Variants in RAD17 observed in about 807,000 individuals in gnomAD.
RAD17 encodes cell cycle checkpoint protein RAD17.
A neutral mutation model predicts 81.5 loss-of-function variants in RAD17; 31 were observed. The observed-to-expected ratio is 0.38, with a 90% CI of 0.29 to 0.51. The LOEUF (loss-of-function observed/expected upper bound fraction) is 0.51. RAD17 is among the 20% of genes least tolerant of loss of function. The probability of loss-of-function intolerance (pLI) is 0.88; values close to 1 mark genes in which losing one functional copy is unlikely to be tolerated. For synonymous variants in RAD17, 261 were observed against 266.2 expected (o/e 0.98, Z 0.19); for missense variants, 681 against 781.2 (o/e 0.87, Z 1.53).
chr5:69,385,975 T>C (rs909184894), intron 8 of RAD17, 68 bp from the exon 9 acceptor site: 1 of 1,370,522 alleles, frequency 7.3e-7, no homozygotes, highest in Non-Finnish European at 9.6e-7. Flanking sequence ...CCTCAATAAA[T>C]ATAAATTTGA....
At chr5:69,412,308 T>G (rs1379693118) in intron 18 of RAD17, among the ~76,000 whole-genome samples, 1 of 152,186 alleles carries the variant, frequency 6.6e-6, no homozygotes, top group African/African-American at 2.4e-5. Context: ...TACTATCTTT[T>G]ATTTATGTTG....
chr5:69,394,429 C>A (rs1482561766), intron 15 of RAD17, among the ~76,000 whole-genome samples: 1 of 152,042 alleles, frequency 6.6e-6, no homozygotes. Context: ...GAAGTAGATA[C>A]AAGAGAAAGA....
In RAD17 at chr5:69,385,050, C is replaced by G. The variant is rs1280944415; in HGVS notation, c.645+117C>G. 11 of 884,714 alleles carry G rather than the reference C, an allele frequency of 1.2e-5. No individual in the cohort carries two copies. In the African/African-American group the frequency reaches 1.6e-4, roughly 13 times the overall value. 54.8% of individuals were successfully genotyped at this position (884,714 alleles called of 1,614,324 possible). On this transcript the variant is annotated intron_variant, in intron 8 of 18. Coordinates refer to ENST00000354868, the MANE Select transcript of RAD17 (RefSeq NM_133338.3). Reference sequence around the variant, plus strand: ...TCTCAGCTCATTGCAAGCTCTGCCTCCCAGGTTCACGCCATTCTCCTGCCT... The same window carrying G: ...TCTCAGCTCATTGCAAGCTCTGCCTGCCAGGTTCACGCCATTCTCCTGCCT...
chr5:69,371,925 G>A (rs1019494127), intron 3 of RAD17, 109 bp from the exon 4 acceptor site: 1 of 508,030 alleles, frequency 2.0e-6, no homozygotes, highest in African/African-American at 2.0e-5. Context: ...ATGGGGGTCA[G>A]ACAGTTTCAT....
At position 69,374,103 on chromosome 5, in the gene RAD17, C is replaced by T. The variant is rs145944230; in HGVS notation, c.267+16C>T. On this transcript the variant is annotated intron_variant, in intron 5 of 18. Transcript: ENST00000354868. ...AGAAACTCAGGTACTGAAAAGCATG[C>T]AGACATATCTACATAATTTAATTTC... The T allele has an allele frequency of 2.5e-6, 4 of 1,590,962 alleles. No individual in the cohort carries two copies. The African/African-American group carries it at 4.1e-5, about 16-fold the overall frequency.
In RAD17 at chr5:69,381,923, C is replaced by T. The variant is rs754452974; in HGVS notation, c.374C>T (p.Thr125Ile). 11 of 1,601,238 alleles carry T rather than the reference C, an allele frequency of 6.9e-6. No homozygotes were observed. The highest frequency in any genetic ancestry group is 5.4e-5 in the African/African-American group (4 of 74,342). Reference sequence around the variant, plus strand: ...TAGGGTGGATCTATTTTATTAATAACAGGTCCTCCTGGATGTGGAAAGACA... The same window carrying T: ...TAGGGTGGATCTATTTTATTAATAATAGGTCCTCCTGGATGTGGAAAGACA... ...PKQGGSILLI[T>I]GPPGCGKTTT... Residue 125 changes from threonine (T) to isoleucine (I), a missense_variant, in exon 7 of 19, where the codon ACA becomes ATA. Coordinates refer to ENST00000354868, the MANE Select transcript of RAD17 (RefSeq NM_133338.3).
At chr5:69,409,874 C>T (rs1765858953) in intron 17 of RAD17, among the ~76,000 whole-genome samples, 1 of 152,308 alleles carries the variant, frequency 6.6e-6, no homozygotes, top group Middle Eastern at 3.4e-3. Context: ...TACTTTCTGT[C>T]TCTATGAATT....
intron 4 of RAD17, 138 bp from the exon 5 acceptor site, chr5:69,373,692 T>A: frequency 1.8e-5 from 4 of 226,842 alleles, no homozygotes; most frequent in African/African-American, 1.4e-4. Context: ...AAAAATTTTT[T>A]TTTTTTTTTT....
chr5:69,396,645 GAA>G, intron 16 of RAD17, 99 bp downstream of exon 16: 1 of 1,205,556 alleles, frequency 8.3e-7, no homozygotes, highest in African/African-American at 1.5e-5. Context: ...CATAACAAAG[GAA>G]AAAATATTTC....
At chr5:69,405,567 C>T (rs1245069526) in intron 17 of RAD17, among the ~76,000 whole-genome samples, 2 of 151,014 alleles carry the variant, frequency 1.3e-5, no homozygotes, top group African/African-American at 4.9e-5. Flanking sequence ...CTTGGGAGGC[C>T]GAGGCAGGAG....
intron 6 of RAD17, among the ~76,000 whole-genome samples, chr5:69,380,280 T>A (rs1763768880): frequency 6.6e-6 from 1 of 152,202 alleles, no homozygotes; most frequent in South Asian, 2.1e-4. Context: ...TATCAAGCAT[T>A]ATGTGTTACA....
chr5:69,402,003 C>CAAAA (rs1173414879), intron 17 of RAD17, among the ~76,000 whole-genome samples: 29 of 44,826 alleles, frequency 6.5e-4, no homozygotes, highest in Admixed American at 1.1e-3. Flanking sequence ...GACTCTGTCT[C>CAAAA]AAAAAAAAAA....
chr5:69,410,588 G>A (rs1765911006), intron 18 of RAD17, 38 bp downstream of exon 18: 2 of 1,572,194 alleles, frequency 1.3e-6, no homozygotes, highest in Non-Finnish European at 1.7e-6. Flanking sequence ...AGCTGATAAT[G>A]AAATGTCTAC....
rs983700468 is a variant in RAD17 at position 69,410,528 on chromosome 5, C to T, written c.1729C>T (p.Pro577Ser). 2 of 1,613,116 alleles carry T rather than the reference C, an allele frequency of 1.2e-6. No individual in the cohort carries two copies. The highest frequency in any genetic ancestry group is 1.3e-5 in the African/African-American group (1 of 74,838). The change falls in exon 18 of 19, where the codon CCT becomes TCT. Residue 577 changes from proline to serine, a missense_variant. Transcript: ENST00000354868. Reference protein sequence around the residue: ...ISFIQDIGRLPLKRHFGRLKM... With the variant: ...ISFIQDIGRLSLKRHFGRLKM... Reference sequence around the variant, plus strand: ...TTTTATCCAAGATATTGGAAGGCTCCCTCTGAAGCGACACTTTGGAAGGTA... The same window carrying T: ...TTTTATCCAAGATATTGGAAGGCTCTCTCTGAAGCGACACTTTGGAAGGTA...
rs575666176 is a variant in RAD17 at position 69,396,673 on chromosome 5, G to C, written c.1572+127G>C. 31 of 1,054,762 alleles carry C rather than the reference G, an allele frequency of 2.9e-5. No homozygotes were observed. The African/African-American group carries it at 5.0e-4, about 17-fold the overall frequency. The allele number at this position is 1,054,762 out of a possible 1,614,324, so 65.3% of individuals were successfully genotyped here. A position where few individuals can be genotyped will look rare whatever the true frequency, so the allele number is the denominator to read the frequency against. ...AAAATATTTCATTTTTAATAAAATA[G>C]TTGCTAAGGTCCACAATTAGATTCT... is the stretch of plus-strand genomic sequence containing the variant. On this transcript the variant is annotated intron_variant, in intron 16 of 18. Transcript: ENST00000354868.
chr5:69,410,959 G>A (rs1169104264), intron 18 of RAD17, among the ~76,000 whole-genome samples: 10 of 119,080 alleles, frequency 8.4e-5, no homozygotes, highest in African/African-American at 1.1e-4. Flanking sequence ...AAAAATAGAT[G>A]TCTGTCTATA....
rs1764598508 is a variant in RAD17, at chr5:69,392,281, C to T, written c.1189+268C>T. On this transcript the variant is annotated intron_variant, in intron 13 of 18. Coordinates refer to ENST00000354868, the MANE Select transcript of RAD17 (RefSeq NM_133338.3). ...TTATAGTTTGCTGAAGGTAAGAGAG[C>T]AGATCATCTAGACTTGTAGTGGCAA... 2.0e-5 allele frequency among the ~76,000 whole-genome samples: 3 copies of T among 152,150 alleles called. No individual in the cohort carries two copies. In the South Asian group the frequency reaches 6.2e-4, roughly 32 times the overall value.
rs201536958 is a variant in RAD17 at position 69,414,118 on chromosome 5, T to A, written c.1839T>A (p.Ser613=). The A allele has an allele frequency of 6.2e-7, 1 of 1,614,230 alleles. No individual in the cohort carries two copies. The highest frequency in any genetic ancestry group is 2.2e-5 in the East Asian group (1 of 44,882). The part of the protein sequence containing the change: ...GDEAQLNGGH[S]AEESLGEPTQ... ...AAGCCCAGCTTAATGGAGGACATTC[T>A]GCAGAGGAATCTCTGGGTGAACCCA... The change falls in exon 19 of 19, where the codon TCT becomes TCA. Residue 613 remains serine (S), a synonymous_variant. Coordinates refer to ENST00000354868, the MANE Select transcript of RAD17 (RefSeq NM_133338.3).
At chr5:69,407,854 T>G (rs903561914) in intron 17 of RAD17, among the ~76,000 whole-genome samples, 1 of 152,202 alleles carries the variant, frequency 6.6e-6, no homozygotes, top group African/African-American at 2.4e-5. Flanking sequence ...GCCTGGCCTA[T>G]GTCCAAGTTT....
Sources: gnomAD v4.1 joint callset for allele counts (sites outside exome capture counted in the v4.1 genomes callset) on GRCh38, gnomAD v4.1.1 for gene constraint, MANE v1.5 for transcripts, NCBI Gene and HGNC (gene_info 2026-07-23, HGNC 2026-07-21) for gene names.